MEAF6: variants seen among roughly 807,000 people sequenced by gnomAD.
MEAF6 encodes the protein chromatin modification-related protein MEAF6.
A neutral mutation model predicts 28.9 loss-of-function variants in MEAF6; 15 were observed. The observed-to-expected ratio is 0.52, with a 90% CI of 0.35 to 0.80. MEAF6 has a LOEUF of 0.80. Ranked by LOEUF, MEAF6 falls within the 30% of genes least tolerant of loss-of-function variation. MEAF6 has a pLI of 0.01. For missense variants in MEAF6, 178 were observed against 237.5 expected, an observed-to-expected ratio of 0.75 and a Z score of 1.65; for synonymous variants, 97 against 88.7, an observed-to-expected ratio of 1.09 and a Z score of -0.53.
chr1:37,495,706 A>AAAAAAAAAAAAAAAAAAAC (rs1557603926), intron 6 of MEAF6, among the ~76,000 whole-genome samples, 179 bp downstream of exon 6: 1 of 121,288 alleles, frequency 8.2e-6, no homozygotes, highest in Non-Finnish European at 1.8e-5. Context: ...ACAAAAAACA[A>AAAAAAAAAAAAAAAAAAAC]AAAAAAAAAA....
intron 5 of MEAF6, chr1:37,496,608 C>A: frequency 6.5e-7 from 1 of 1,530,302 alleles, no homozygotes; most frequent in South Asian, 1.3e-5. Context: ...TACATACCTA[C>A]AATTAAACAG....
At chr1:37,510,381 A>ATTTTTT (rs34785696) in intron 2 of MEAF6, among the ~76,000 whole-genome samples, 5 of 95,018 alleles carry the variant, frequency 5.3e-5, no homozygotes, top group Non-Finnish European at 9.6e-5. Flanking sequence ...GCACCTAGCC[A>ATTTTTT]TTTTTTTTTT....
chr1:37,506,874 A>G lies in MEAF6; in HGVS notation c.340+2404T>C, dbSNP rs538408874. Among the ~76,000 whole-genome samples, 76 of 152,322 alleles carry G rather than the reference A, an allele frequency of 5.0e-4. No homozygotes were observed. The South Asian group carries it at 0.013, about 25-fold the overall frequency. On this transcript the variant is annotated intron_variant, in intron 4 of 6. Coordinates refer to ENST00000296214, the MANE Select transcript of MEAF6 (RefSeq NM_001270875.3). ...GCACTCAGCCAAAAATCTTTAATAC[A>G]TAAGTGTTTGTCTTAGCCAAGCTTC... is the stretch of plus-strand genomic sequence containing the variant.
chr1:37,496,154 G>A (rs767110303), intron 5 of MEAF6, among the ~76,000 whole-genome samples: 4 of 152,098 alleles, frequency 2.6e-5, no homozygotes, highest in African/African-American at 4.8e-5. Context: ...AAAAAGAAAT[G>A]TATACAGCAG....
Position 37,513,414 on chromosome 1 carries a change from G to C in MEAF6, c.206+9C>G. 6.2e-7 allele frequency: 1 copy of C among 1,606,136 alleles called. No homozygotes were observed. Among genetic ancestry groups the C allele is most frequent in the Non-Finnish European group, 8.5e-7 (1 of 1,172,816 alleles). Reference sequence around the variant, plus strand: ...CACAATAGGAACACTACAGGCTTTCGACACTCACTTTTGGTTGGTCAGATA... The same window carrying C: ...CACAATAGGAACACTACAGGCTTTCCACACTCACTTTTGGTTGGTCAGATA... On this transcript the variant is annotated intron_variant, in intron 2 of 6. Transcript: ENST00000296214.
At chr1:37,512,145 T>C (rs1642690550) in intron 2 of MEAF6, among the ~76,000 whole-genome samples, 1 of 152,146 alleles carries the variant, frequency 6.6e-6, no homozygotes, top group African/African-American at 2.4e-5. Context: ...TTTGTGGTAA[T>C]GGAATAGTTC....
At chr1:37,514,589 G>A in intron 1 of MEAF6, 68 bp downstream of exon 1, 1 of 1,308,126 alleles carries the variant, frequency 7.6e-7, no homozygotes, top group Non-Finnish European at 1.0e-6. Context: ...AGCGCGGCCG[G>A]GCTTGGGGCC....
At chr1:37,495,051 C>G (rs530631181) in intron 6 of MEAF6, among the ~76,000 whole-genome samples, 1 of 151,482 alleles carries the variant, frequency 6.6e-6, no homozygotes, top group South Asian at 2.1e-4. Context: ...ATGTATGTGA[C>G]CGGCCGGGTG....
chr1:37,510,788 G>A (rs1316501894), intron 2 of MEAF6, among the ~76,000 whole-genome samples: 1 of 151,568 alleles, frequency 6.6e-6, no homozygotes, highest in East Asian at 2.0e-4. Flanking sequence ...AATGGCGCGA[G>A]CTCGGCTCAC....
In MEAF6 at chr1:37,514,739, A is replaced by T. The variant is rs748433887; in HGVS notation, c.8T>A (p.Met3Lys). ...CTGCGGCGGCGCCGCCTTGTTGTGC[A>T]TCGCCATGTTGGGCTGAGGCGGGCG... MAMHNKAAPPQIP... is the reference protein window; with the variant it reads MAKHNKAAPPQIP... The change falls in exon 1 of 7, where the codon ATG becomes AAG. Residue 3 changes from methionine (M) to lysine (K), a missense_variant. Coordinates refer to ENST00000296214, the MANE Select transcript of MEAF6 (RefSeq NM_001270875.3). The T allele has an allele frequency of 3.0e-5, 46 of 1,514,366 alleles. No individual in the cohort carries two copies. Among genetic ancestry groups the T allele is most frequent in the Non-Finnish European group, 4.1e-5 (46 of 1,135,540 alleles). The allele number at this position is 1,514,366 out of a possible 1,614,324, so 93.8% of individuals were successfully genotyped here.
At chr1:37,512,658 G>A (rs962728357) in intron 2 of MEAF6, among the ~76,000 whole-genome samples, 1 of 152,184 alleles carries the variant, frequency 6.6e-6, no homozygotes, top group Non-Finnish European at 1.5e-5. Flanking sequence ...GAGAAGCTGA[G>A]GCAGGAGGAC....
At chr1:37,511,052 A>G (rs1457734163) in intron 2 of MEAF6, among the ~76,000 whole-genome samples, 1 of 152,244 alleles carries the variant, frequency 6.6e-6, no homozygotes, top group Middle Eastern at 3.2e-3. Flanking sequence ...TATTATTTAA[A>G]AAGTGGAGAA....
chr1:37,513,631 C>G, intron 1 of MEAF6, 93 bp from the exon 2 acceptor site: 1 of 1,030,490 alleles, frequency 9.7e-7, no homozygotes. Flanking sequence ...GACTCGTAAA[C>G]GCAAGCTTGC....
chr1:37,509,638 A>G (rs1569986188), intron 2 of MEAF6, 96 bp from the exon 3 acceptor site: 17 of 1,094,488 alleles, frequency 1.6e-5, no homozygotes, highest in Non-Finnish European at 2.1e-5. Flanking sequence ...GGAAGCTTCC[A>G]TGTCACTCAG....
intron 4 of MEAF6, among the ~76,000 whole-genome samples, chr1:37,504,758 G>A (rs1303888382): frequency 8.5e-6 from 1 of 117,876 alleles, no homozygotes; most frequent in South Asian, 2.8e-4. Context: ...GGCAACAAGA[G>A]CAAGACTCCA....
chr1:37,506,204 G>C (rs562021242), intron 4 of MEAF6, among the ~76,000 whole-genome samples: 1 of 151,930 alleles, frequency 6.6e-6, no homozygotes, highest in East Asian at 1.9e-4. Flanking sequence ...CCAGGAGGTG[G>C]AGGTTGTGGT....
At chr1:37,497,940 A>G (rs4653294) in intron 5 of MEAF6, among the ~76,000 whole-genome samples, 81,491 of 151,896 alleles carry the variant, frequency 0.54, 23,026 homozygotes, top group Non-Finnish European at 0.61. Flanking sequence ...ACAAGCACCC[A>G]AGTCTCAGGG....
At chr1:37,495,690 A>G (rs1397173185) in intron 6 of MEAF6, among the ~76,000 whole-genome samples, 195 bp downstream of exon 6, 1 of 110,406 alleles carries the variant, frequency 9.1e-6, no homozygotes, top group Non-Finnish European at 2.1e-5. Context: ...CTCTCAAAAA[A>G]AAAAAACAAA....
At chr1:37,495,144 C>T (rs1032049277) in intron 6 of MEAF6, among the ~76,000 whole-genome samples, 2 of 151,128 alleles carry the variant, frequency 1.3e-5, no homozygotes, top group African/African-American at 4.9e-5. Flanking sequence ...ACCAGCATGA[C>T]CAACATGGTG....
Sources: gnomAD v4.1 joint callset for allele counts (sites outside exome capture counted in the v4.1 genomes callset) on GRCh38, gnomAD v4.1.1 for gene constraint, MANE v1.5 for transcripts, NCBI Gene and HGNC (gene_info 2026-07-23, HGNC 2026-07-21) for gene names.